Variants in KCNIP4 observed in about 807,000 individuals in gnomAD.
KCNIP4 encodes Kv channel-interacting protein 4.
Under a neutral mutation model 34.0 loss-of-function variants are expected in KCNIP4, and 12 were observed. That is an observed-to-expected ratio of 0.35 (90% confidence interval 0.23 to 0.57). The LOEUF is 0.57. KCNIP4 is among the 20% of genes least tolerant of loss of function. The probability of loss-of-function intolerance (pLI) is 0.83; values close to 1 mark genes in which losing one functional copy is unlikely to be tolerated. For missense variants in KCNIP4, 238 were observed against 311.7 expected (o/e 0.76, Z 1.78); for synonymous variants, 124 against 102.2 (o/e 1.21, Z -1.29).
intron 1 of KCNIP4, among the ~76,000 whole-genome samples, chr4:21,802,748 G>C (rs1721074333): frequency 6.6e-6 from 1 of 151,956 alleles, no homozygotes; most frequent in African/African-American, 2.4e-5. Context: ...TAATAAAAAA[G>C]CACAAAAATA....
chr4:21,343,945 T>C (rs909915425), intron 1 of KCNIP4, among the ~76,000 whole-genome samples: 1 of 152,138 alleles, frequency 6.6e-6, no homozygotes, highest in African/African-American at 2.4e-5. Flanking sequence ...TTACCAATAC[T>C]GGTAAAAGTC....
At chr4:21,565,073 A>G (rs1322306565) in intron 1 of KCNIP4, among the ~76,000 whole-genome samples, 1 of 152,148 alleles carries the variant, frequency 6.6e-6, no homozygotes, top group East Asian at 1.9e-4. Context: ...ACCCAAGGCA[A>G]GTTGCATACA....
At chr4:21,830,287 A>G (rs929595480) in intron 1 of KCNIP4, among the ~76,000 whole-genome samples, 1 of 152,210 alleles carries the variant, frequency 6.6e-6, no homozygotes, top group Non-Finnish European at 1.5e-5. Flanking sequence ...TCAGGAGAAT[A>G]TAACAATTAT....
chr4:21,375,362 C>T (rs192990123), intron 1 of KCNIP4, among the ~76,000 whole-genome samples: 55 of 152,224 alleles, frequency 3.6e-4, no homozygotes, highest in African/African-American at 1.3e-3. Context: ...GTAAAGCTGG[C>T]CCATTGACTT....
intron 1 of KCNIP4, among the ~76,000 whole-genome samples, chr4:21,070,469 T>C (rs1324130752): frequency 1.3e-5 from 2 of 151,992 alleles, no homozygotes; most frequent in Admixed American, 6.6e-5. Flanking sequence ...TCACAGTTTT[T>C]ACTTTAGCTG....
At chr4:21,441,575 C>G (rs1024061828) in intron 1 of KCNIP4, among the ~76,000 whole-genome samples, 2 of 152,128 alleles carry the variant, frequency 1.3e-5, no homozygotes, top group Non-Finnish European at 2.9e-5. Context: ...CAGAATTAGG[C>G]AAATTATATT....
intron 1 of KCNIP4, among the ~76,000 whole-genome samples, chr4:21,488,645 A>C (rs898259859): frequency 7.9e-5 from 12 of 152,180 alleles, no homozygotes; most frequent in Non-Finnish European, 1.2e-4. Context: ...ATAGAAAAAT[A>C]AAACCAATAC....
chr4:21,600,203 G>T (rs1355326484), intron 1 of KCNIP4, among the ~76,000 whole-genome samples: 1 of 152,026 alleles, frequency 6.6e-6, no homozygotes, highest in Non-Finnish European at 1.5e-5. Context: ...CTTTCATGCT[G>T]AGCCAAAATG....
chr4:21,801,582 G>A (rs1720995732), intron 1 of KCNIP4, among the ~76,000 whole-genome samples: 1 of 151,890 alleles, frequency 6.6e-6, no homozygotes, highest in South Asian at 2.1e-4. Context: ...AATGACACAT[G>A]AAGAATTTTA....
At chr4:21,482,280 G>A (rs962086206) in intron 1 of KCNIP4, among the ~76,000 whole-genome samples, 16 of 152,112 alleles carry the variant, frequency 1.1e-4, no homozygotes, top group Non-Finnish European at 7.3e-5. Context: ...GCCAGTCTGT[G>A]TCTTTTAATT....
chr4:21,692,104 T>G (rs1450774852), intron 1 of KCNIP4, among the ~76,000 whole-genome samples: 1 of 152,186 alleles, frequency 6.6e-6, no homozygotes, highest in South Asian at 2.1e-4. Flanking sequence ...GTTTACCACG[T>G]CTAAGACTGT....
intron 2 of KCNIP4, among the ~76,000 whole-genome samples, chr4:20,854,204 G>A (rs924326117): frequency 3.9e-5 from 6 of 152,098 alleles, no homozygotes; most frequent in South Asian, 2.1e-4. Context: ...CGTTTACAGC[G>A]GCACAATTCA....
At chr4:21,590,996 T>C (rs1030761131) in intron 1 of KCNIP4, among the ~76,000 whole-genome samples, 2 of 151,936 alleles carry the variant, frequency 1.3e-5, no homozygotes, top group East Asian at 1.9e-4. Context: ...ACAAGAACAC[T>C]ATACCTTGTC....
At chr4:21,089,800 T>C (rs1746824672) in intron 1 of KCNIP4, among the ~76,000 whole-genome samples, 1 of 152,128 alleles carries the variant, frequency 6.6e-6, no homozygotes, top group South Asian at 2.1e-4. Context: ...CCCAGCTTCT[T>C]TACATTTCAA....
chr4:21,287,534 A>T (rs1763194057), intron 1 of KCNIP4, among the ~76,000 whole-genome samples: 1 of 152,176 alleles, frequency 6.6e-6, no homozygotes, highest in African/African-American at 2.4e-5. Context: ...CCCCTGAAAC[A>T]TATGTAATTA....
At chr4:21,676,364 T>C (rs2109016688) in intron 1 of KCNIP4, among the ~76,000 whole-genome samples, 1 of 152,334 alleles carries the variant, frequency 6.6e-6, no homozygotes, top group South Asian at 2.1e-4. Context: ...TCTGGATAAG[T>C]TGTCCTCAAG....
At chr4:21,358,558 G>T (rs527768356) in intron 1 of KCNIP4, among the ~76,000 whole-genome samples, 1 of 152,232 alleles carries the variant, frequency 6.6e-6, no homozygotes, top group African/African-American at 2.4e-5. Context: ...TTATGCATCA[G>T]CTTGACTGAG....
intron 1 of KCNIP4, among the ~76,000 whole-genome samples, chr4:21,097,849 G>T (rs2109060487): frequency 6.6e-6 from 1 of 152,256 alleles, no homozygotes; most frequent in Non-Finnish European, 1.5e-5. Context: ...TCAAATGCTA[G>T]AAATGGTTAA....
At chr4:21,288,752 T>A (rs1258915714) in intron 1 of KCNIP4, among the ~76,000 whole-genome samples, 1 of 152,136 alleles carries the variant, frequency 6.6e-6, no homozygotes, top group Non-Finnish European at 1.5e-5. Flanking sequence ...CAAAGTTGAG[T>A]AAGTACTGAC....
Sources: allele counts gnomAD v4.1 joint callset (sites outside exome capture counted in the v4.1 genomes callset), GRCh38; gene constraint gnomAD v4.1.1; transcripts MANE v1.5; gene names NCBI Gene and HGNC (gene_info 2026-07-23, HGNC 2026-07-21).